The following NEBL variants were observed in gnomAD, a reference collection of about 807,000 sequenced individuals.
NEBL encodes nebulette.
Under a neutral mutation model 140.2 loss-of-function variants are expected in NEBL, and 122 were observed. That is an observed-to-expected ratio of 0.87 (90% CI 0.75 to 1.01). NEBL has a LOEUF of 1.01. Ranked by LOEUF, NEBL falls within the 50% of genes least tolerant of loss-of-function variation. NEBL has a pLI of 0.00. For missense variants in NEBL, 1,365 were observed against 1,231.3 expected, an observed-to-expected ratio of 1.11 and a Z score of -1.62; for synonymous variants, 436 against 398.9, an observed-to-expected ratio of 1.09 and a Z score of -1.11.
chr10:21,193,466 G>A (rs1841606192), intron 3 of NEBL, among the ~76,000 whole-genome samples: 1 of 152,046 alleles, frequency 6.6e-6, no homozygotes, highest in Non-Finnish European at 1.5e-5. Context: ...CATCACCCAC[G>A]CTTGGATGAT....
chr10:21,227,653 TTTCTTCTTCTTCTTCTTCTTCTTCTTC>T (rs549558619), intron 3 of NEBL, among the ~76,000 whole-genome samples: 25 of 83,280 alleles, frequency 3.0e-4, no homozygotes, highest in South Asian at 1.7e-3. Flanking sequence ...GCACTTGAAG[TTTCTTCTTCTTCTTCTTCTTCTTCTTC>T]TTCTTCTTCT....
At chr10:21,139,198 G>C (rs1201609884) in intron 2 of NEBL, among the ~76,000 whole-genome samples, 1 of 152,130 alleles carries the variant, frequency 6.6e-6, no homozygotes, top group Non-Finnish European at 1.5e-5. Flanking sequence ...GGGAATCTAA[G>C]TCAAGCTCTA....
At chr10:20,822,461 G>C (rs1219909203) in intron 19 of NEBL, among the ~76,000 whole-genome samples, 1 of 151,272 alleles carries the variant, frequency 6.6e-6, no homozygotes, top group Non-Finnish European at 1.5e-5. Flanking sequence ...AAAAGAAATA[G>C]AAAATGTTCT....
chr10:21,096,850 A>G (rs1351876367), intron 2 of NEBL, among the ~76,000 whole-genome samples: 2 of 152,046 alleles, frequency 1.3e-5, no homozygotes, highest in Non-Finnish European at 2.9e-5. Context: ...TAGTTTCATC[A>G]CATTGGTCTT....
At chr10:20,937,824 A>G (rs1484980895) in intron 4 of NEBL, among the ~76,000 whole-genome samples, 1 of 152,088 alleles carries the variant, frequency 6.6e-6, no homozygotes, top group African/African-American at 2.4e-5. Flanking sequence ...TCCTACACCC[A>G]TGGAGCCTCG....
At chr10:20,945,593 C>T (rs1231735619) in intron 4 of NEBL, among the ~76,000 whole-genome samples, 1 of 152,184 alleles carries the variant, frequency 6.6e-6, no homozygotes, top group African/African-American at 2.4e-5. Flanking sequence ...TGAGATTCTC[C>T]TTAGGGATGA....
chr10:21,030,447 C>A (rs1256814824), intron 2 of NEBL: 15 of 687,088 alleles, frequency 2.2e-5, no homozygotes, highest in Non-Finnish European at 3.4e-5. Flanking sequence ...CACTCTCCAA[C>A]TTCTAAATCT....
rs111685230 is a variant in NEBL, at chr10:21,114,507, A to G, written c.164+57876T>C. ...TTTCTGTCTATTTGTTCTACCAATT[A>G]TCAAGAGTAAGGTGTTGAAATCTCC... On this transcript the variant is annotated intron_variant, in intron 2 of 6. Transcript: ENST00000417816. Among the ~76,000 whole-genome samples, 149 of 152,238 alleles carry G rather than the reference A, an allele frequency of 9.8e-4. 1 individual carries two copies. The highest frequency in any genetic ancestry group is 3.1e-3 in the African/African-American group (127 of 41,574).
chr10:20,817,490 G>A (rs1838841274), intron 21 of NEBL, 110 bp downstream of exon 21: 1 of 949,694 alleles, frequency 1.1e-6, no homozygotes, highest in East Asian at 2.5e-5. Flanking sequence ...AGTCAAATGA[G>A]AACAGGACAT....
chr10:21,084,417 G>A (rs1051322226), intron 2 of NEBL, among the ~76,000 whole-genome samples: 1 of 152,088 alleles, frequency 6.6e-6, no homozygotes, highest in African/African-American at 2.4e-5. Context: ...GATTGAATGG[G>A]TAGAGCAAAT....
At chr10:21,003,082 T>C (rs1647941953) in intron 3 of NEBL, among the ~76,000 whole-genome samples, 1 of 151,418 alleles carries the variant, frequency 6.6e-6, no homozygotes, top group Non-Finnish European at 1.5e-5. Context: ...TTCTTCTCTG[T>C]TTTCACAGCC....
At chr10:20,994,761 T>C (rs1306535282) in intron 3 of NEBL, among the ~76,000 whole-genome samples, 2 of 152,030 alleles carry the variant, frequency 1.3e-5, no homozygotes, top group Non-Finnish European at 2.9e-5. Context: ...AGAGAAAAAA[T>C]GTTATTAAGG....
chr10:20,915,580 T>C (rs1278756067), intron 4 of NEBL, among the ~76,000 whole-genome samples: 3 of 151,824 alleles, frequency 2.0e-5, no homozygotes, highest in Admixed American at 6.6e-5. Flanking sequence ...ACAAAGGACA[T>C]GAACTCATCA....
upstream of NEBL, among the ~76,000 whole-genome samples, chr10:21,175,796 A>C (rs1352418964): frequency 6.6e-6 from 1 of 152,252 alleles, no homozygotes; most frequent in Non-Finnish European, 1.5e-5. Flanking sequence ...GAGGGGAAAA[A>C]AAGTATGTGA....
intron 4 of NEBL, among the ~76,000 whole-genome samples, chr10:20,945,778 T>C (rs1438990075): frequency 6.6e-6 from 1 of 152,186 alleles, no homozygotes; most frequent in African/African-American, 2.4e-5. Flanking sequence ...ATATAACATA[T>C]AATCAATGCT....
At chr10:20,888,240 A>C (rs746170376) in intron 3 of NEBL, 33 bp from the exon 4 acceptor site, 2 of 1,261,320 alleles carry the variant, frequency 1.6e-6, no homozygotes, top group South Asian at 1.2e-5. Flanking sequence ...AAAAATAAAT[A>C]AATAAACTTC....
At chr10:20,932,180 C>G (rs905821359) in intron 4 of NEBL, among the ~76,000 whole-genome samples, 18 of 152,188 alleles carry the variant, frequency 1.2e-4, no homozygotes, top group Non-Finnish European at 1.6e-4. Context: ...GTACCTGTCT[C>G]CCGTACTCAT....
rs1216919940 is a variant in NEBL, at chr10:20,840,750, T to G, written c.1327A>C (p.Met443Leu). Reference sequence around the variant, plus strand: ...ATAAACATACTCACCTCACTTGCCATTTCAGAGGCTCGCTTTGCTCTTTGG... The same window carrying G: ...ATAAACATACTCACCTCACTTGCCAGTTCAGAGGCTCGCTTTGCTCTTTGG... ...DIQRAKRASE[M>L]ASEKEYKKDL... Residue 443 changes from methionine (M) to leucine (L), a missense_variant, in exon 13 of 28, where the codon ATG becomes CTG. Around this residue, in one of 2 missense-constraint regions of NEBL, gnomAD observed 1,323 missense variants for 1,154.8 expected, o/e 1.15. Transcript: ENST00000377122. 6.2e-7 allele frequency: 1 copy of G among 1,608,018 alleles called. No individual in the cohort carries two copies. Among genetic ancestry groups the G allele is most frequent in the East Asian group, 2.2e-5 (1 of 44,762 alleles).
intron 7 of NEBL, among the ~76,000 whole-genome samples, chr10:20,864,861 C>T (rs1413280703): frequency 1.3e-5 from 2 of 152,106 alleles, no homozygotes; most frequent in Admixed American, 6.6e-5. Context: ...TATTTATTTT[C>T]CCAGCTTTCC....
Sources: gnomAD v4.1 joint callset for allele counts (sites outside exome capture counted in the v4.1 genomes callset) on GRCh38, gnomAD v4.1.1 for gene constraint, gnomAD v4.1.1 regional missense constraint, MANE v1.5 for transcripts, NCBI Gene and HGNC (gene_info 2026-07-23, HGNC 2026-07-21) for gene names.